Variants in AIG1 observed in about 807,000 individuals in gnomAD.
The protein encoded by AIG1 is androgen induced 1.
A neutral mutation model predicts 31.4 loss-of-function variants in AIG1; 23 were observed. The observed-to-expected ratio is 0.73, with a 90% CI of 0.53 to 1.04. The LOEUF (loss-of-function observed/expected upper bound fraction) is 1.04. AIG1 is among the 50% of genes least tolerant of loss of function. The pLI is 0.00. For missense variants in AIG1, 274 were observed against 295.0 expected, an observed-to-expected ratio of 0.93 and a Z score of 0.52; for synonymous variants, 100 against 110.5, an observed-to-expected ratio of 0.90 and a Z score of 0.60.
In AIG1 at chr6:143,340,741, C is replaced by T. The variant is rs1023457238; in HGVS notation, c.*1065C>T. Among the ~76,000 whole-genome samples the T allele has an allele frequency of 6.6e-6, 1 of 152,156 alleles. No individual in the cohort carries two copies. The highest frequency in any genetic ancestry group is 1.5e-5 in the Non-Finnish European group (1 of 68,020). On this transcript the variant is annotated 3_prime_UTR_variant, in exon 6 of 6. Transcript: ENST00000357847. Reference sequence around the variant, plus strand: ...CCTCCCAAAGTGCTGGGATTACAGACATGAACCACCGCGCCCAGCCACAAA... The same window carrying T: ...CCTCCCAAAGTGCTGGGATTACAGATATGAACCACCGCGCCCAGCCACAAA...
intron 3 of AIG1, among the ~76,000 whole-genome samples, chr6:143,226,246 A>AT (rs1554259707): frequency 0.23 from 32,764 of 141,914 alleles, 3,931 homozygotes; most frequent in East Asian, 0.32. Context: ...ATATATATAT[A>AT]TTTTTTTTTT....
At chr6:143,083,985 TC>T (rs1316963228) in intron 1 of AIG1, among the ~76,000 whole-genome samples, 2 of 152,102 alleles carry the variant, frequency 1.3e-5, no homozygotes, top group Non-Finnish European at 2.9e-5. Flanking sequence ...AGAGTAAAGT[TC>T]CCCAGTTACA....
At chr6:143,216,975 C>T (rs1469443678) in intron 3 of AIG1, among the ~76,000 whole-genome samples, 2 of 152,206 alleles carry the variant, frequency 1.3e-5, no homozygotes, top group Admixed American at 1.3e-4. Context: ...ATAAGTCACA[C>T]AGGGTTCTAT....
chr6:143,084,308 G>A lies in AIG1; in HGVS notation c.141+23242G>A, dbSNP rs548124872. Among the ~76,000 whole-genome samples the A allele has an allele frequency of 2.6e-5, 4 of 152,272 alleles. No individual in the cohort carries two copies. In the East Asian group the frequency reaches 7.7e-4, roughly 29 times the overall value. ...TTCCAGTGACTCCCTTGACATAAGG[G>A]GCATGGACGAGGGGGTGGCTTATTT... On this transcript the variant is annotated intron_variant, in intron 1 of 5. Transcript: ENST00000357847.
At chr6:143,304,001 G>A (rs1354534816) in intron 4 of AIG1, among the ~76,000 whole-genome samples, 2 of 146,464 alleles carry the variant, frequency 1.4e-5, no homozygotes, top group Admixed American at 6.8e-5. Context: ...GTGAATGGGA[G>A]TTCACTCATG....
rs536222696 is a variant in AIG1 at position 143,281,549 on chromosome 6, A to C, written c.400-2561A>C. On this transcript the variant is annotated intron_variant, in intron 3 of 5. Coordinates refer to ENST00000357847, the MANE Select transcript of AIG1 (RefSeq NM_016108.4). ...ATAATTATCTCTCTTGCTGCTATAGATTTTAAGTTATAACTCAACTGCTAA... is the reference window on the plus strand; with the variant it reads ...ATAATTATCTCTCTTGCTGCTATAGCTTTTAAGTTATAACTCAACTGCTAA... Among the ~76,000 whole-genome samples, 122 of 152,300 alleles carry C rather than the reference A, an allele frequency of 8.0e-4. 1 individual carries two copies. Among genetic ancestry groups the C allele is most frequent in the African/African-American group, 2.9e-3 (121 of 41,570 alleles).
intron 1 of AIG1, among the ~76,000 whole-genome samples, chr6:143,084,320 G>A (rs1475771906): frequency 6.6e-6 from 1 of 152,178 alleles, no homozygotes; most frequent in Non-Finnish European, 1.5e-5. Flanking sequence ...CATGGACGAG[G>A]GGGTGGCTTA....
Position 143,187,590 on chromosome 6 carries a change from G to A in AIG1, c.399+22407G>A, listed in dbSNP as rs989425464. 8 of 1,535,978 alleles carry A rather than the reference G, an allele frequency of 5.2e-6. No homozygotes were observed. The African/African-American group carries it at 5.5e-5, about 11-fold the overall frequency. On this transcript the variant is annotated intron_variant, in intron 3 of 5. Transcript: ENST00000357847. ...TGAAAAGCAACCTTCTGCAGGGAGA[G>A]AAGGCAATTAAAAGATGTTGCGACC...
At chr6:143,072,041 T>G (rs970915994) in intron 1 of AIG1, among the ~76,000 whole-genome samples, 1 of 151,964 alleles carries the variant, frequency 6.6e-6, no homozygotes, top group Non-Finnish European at 1.5e-5. Flanking sequence ...ATCCTCCCAT[T>G]TCAGTCACCG....
intron 1 of AIG1, among the ~76,000 whole-genome samples, chr6:143,109,345 T>C (rs1781076133): frequency 6.6e-6 from 1 of 152,204 alleles, no homozygotes; most frequent in South Asian, 2.1e-4. Flanking sequence ...TGCTTATACA[T>C]GTAACATTGG....
At position 143,292,429 on chromosome 6, in the gene AIG1, A is replaced by T. The variant is rs1436950785; in HGVS notation, c.515+8204A>T. ...GTTAGAGAGATGCAGTGGAGAAAGG[A>T]CTTGAACTGCCGTCACTGGCTTTGA... On this transcript the variant is annotated intron_variant, in intron 4 of 5. Transcript: ENST00000357847. The surrounding 1 kb of genome is among the most constrained non-coding windows in gnomAD (Gnocchi z 4.9). Among the ~76,000 whole-genome samples the T allele has an allele frequency of 6.6e-6, 1 of 152,158 alleles. No homozygotes were observed. The highest frequency in any genetic ancestry group is 2.4e-5 in the African/African-American group (1 of 41,420).
At chr6:143,220,245 G>A (rs891947950) in intron 3 of AIG1, among the ~76,000 whole-genome samples, 17 of 152,100 alleles carry the variant, frequency 1.1e-4, no homozygotes, top group Non-Finnish European at 2.2e-4. Context: ...TACCCTGGAC[G>A]TCCTGTTTTA....
chr6:143,247,064 T>C (rs929804140), intron 3 of AIG1, among the ~76,000 whole-genome samples: 7 of 152,116 alleles, frequency 4.6e-5, no homozygotes, highest in African/African-American at 1.7e-4. Flanking sequence ...CATTAACTCC[T>C]CTCTGTGATG....
intron 3 of AIG1, among the ~76,000 whole-genome samples, chr6:143,242,332 C>T (rs957483467): frequency 5.3e-5 from 8 of 152,138 alleles, no homozygotes; most frequent in East Asian, 1.9e-4. Context: ...CTCAAATTAG[C>T]GGACGTGATA....
chr6:143,254,548 G>A (rs1795237787), intron 3 of AIG1, among the ~76,000 whole-genome samples: 1 of 151,974 alleles, frequency 6.6e-6, no homozygotes, highest in Non-Finnish European at 1.5e-5. Context: ...CTTTTGTTTT[G>A]TTTTGTTTTT....
intron 3 of AIG1, chr6:143,188,604 T>G (rs1319283852): frequency 1.0e-6 from 1 of 985,218 alleles, no homozygotes; most frequent in Non-Finnish European, 1.2e-6. Flanking sequence ...TATTCTCTTA[T>G]GCCAGCTCTC....
intron 3 of AIG1, among the ~76,000 whole-genome samples, chr6:143,203,967 G>T (rs1220576515): frequency 6.6e-6 from 1 of 152,144 alleles, no homozygotes; most frequent in East Asian, 1.9e-4. Flanking sequence ...TTTAGAGATG[G>T]CTACCACTGA....
At chr6:143,190,965 A>T (rs983929859) in intron 3 of AIG1, among the ~76,000 whole-genome samples, 1 of 151,994 alleles carries the variant, frequency 6.6e-6, no homozygotes, top group African/African-American at 2.4e-5. Flanking sequence ...CTGGGATAAG[A>T]CTGAGACACT....
intron 3 of AIG1, among the ~76,000 whole-genome samples, chr6:143,173,359 A>G (rs1017340683): frequency 3.9e-5 from 6 of 152,166 alleles, no homozygotes; most frequent in South Asian, 2.1e-4. Flanking sequence ...TGCTGCGCCT[A>G]GACAGCCACC....
Sources: allele counts gnomAD v4.1 joint callset (sites outside exome capture counted in the v4.1 genomes callset), GRCh38; gene constraint gnomAD v4.1.1; non-coding constraint Gnocchi (gnomAD v3.1); transcripts MANE v1.5; gene names NCBI Gene and HGNC (gene_info 2026-07-23, HGNC 2026-07-21).